The following TCF7L1 variants were observed in gnomAD, a reference collection of about 807,000 sequenced individuals.
TCF7L1 encodes transcription factor 7-like 1.
TCF7L1 carries 18 observed loss-of-function variants against 63.7 expected under a neutral mutation model. That is an observed-to-expected ratio of 0.28 (90% confidence interval 0.20 to 0.42). The LOEUF (loss-of-function observed/expected upper bound fraction) is 0.42, where lower values mean the gene tolerates loss of function less well. TCF7L1 is among the 10% of genes least tolerant of loss of function. The probability of loss-of-function intolerance (pLI) is 1.00; values close to 1 mark genes in which losing one functional copy is unlikely to be tolerated. For synonymous variants in TCF7L1, 355 were observed against 340.9 expected (o/e 1.04, Z -0.46); for missense variants, 654 against 779.3 (o/e 0.84, Z 1.91).
At chr2:85,174,453 T>TG (rs1462910411) in intron 3 of TCF7L1, among the ~76,000 whole-genome samples, 1 of 152,206 alleles carries the variant, frequency 6.6e-6, no homozygotes, top group Non-Finnish European at 1.5e-5. Flanking sequence ...TCAAGGCTAA[T>TG]GGGGTTTCCT....
At chr2:85,282,690 G>A (rs62162676) in intron 3 of TCF7L1, among the ~76,000 whole-genome samples, 6,259 of 152,038 alleles carry the variant, frequency 0.041, 170 homozygotes, top group South Asian at 0.07. Context: ...GCAGGGCTCC[G>A]GAGCCCAGAA....
intron 3 of TCF7L1, among the ~76,000 whole-genome samples, chr2:85,183,769 G>T (rs1177840372): frequency 6.6e-6 from 1 of 152,186 alleles, no homozygotes; most frequent in Non-Finnish European, 1.5e-5. Flanking sequence ...GACTGCAAGT[G>T]TATTAGCCAG....
intron 3 of TCF7L1, among the ~76,000 whole-genome samples, chr2:85,280,365 A>G (rs1681382199): frequency 6.6e-6 from 1 of 152,220 alleles, no homozygotes; most frequent in South Asian, 2.1e-4. Context: ...ACCCTGCACT[A>G]CAGTCCTACA....
At chr2:85,274,341 C>T (rs1313599278) in intron 3 of TCF7L1, among the ~76,000 whole-genome samples, 1 of 152,202 alleles carries the variant, frequency 6.6e-6, no homozygotes, top group Non-Finnish European at 1.5e-5. Context: ...GGCTCTGTCC[C>T]GGGGTCCCCC....
At position 85,184,304 on chromosome 2, in the gene TCF7L1, C is replaced by T. The variant is rs1000902509; in HGVS notation, c.441+49854C>T. ...TGCAGTCAGCAGATGGGCAGTGAGG[C>T]GGGGAAGAAAGGCGGAACCAGGCCT... is the stretch of plus-strand genomic sequence containing the variant. On this transcript the variant is annotated intron_variant, in intron 3 of 11. Coordinates refer to ENST00000282111, the MANE Select transcript of TCF7L1 (RefSeq NM_031283.3). 5.9e-5 allele frequency among the ~76,000 whole-genome samples: 9 copies of T among 152,052 alleles called. No homozygotes were observed. The East Asian group carries it at 1.2e-3, about 20-fold the overall frequency.
At chr2:85,279,511 G>A (rs1277547731) in intron 3 of TCF7L1, among the ~76,000 whole-genome samples, 1 of 152,178 alleles carries the variant, frequency 6.6e-6, no homozygotes, top group Non-Finnish European at 1.5e-5. Context: ...GTCTAGTACT[G>A]CAGTGGAAGA....
At chr2:85,267,419 G>A (rs1342055523) in intron 3 of TCF7L1, among the ~76,000 whole-genome samples, 1 of 151,604 alleles carries the variant, frequency 6.6e-6, no homozygotes, top group Non-Finnish European at 1.5e-5. Flanking sequence ...GGAGGCCGAG[G>A]CAGGTGGATC....
chr2:85,307,375 A>G (rs1682140595), intron 10 of TCF7L1, among the ~76,000 whole-genome samples: 1 of 152,232 alleles, frequency 6.6e-6, no homozygotes, highest in Non-Finnish European at 1.5e-5. Flanking sequence ...ACAGAAAAAC[A>G]GAGTCTGAAG....
intron 3 of TCF7L1, among the ~76,000 whole-genome samples, chr2:85,228,782 G>A (rs1362524261): frequency 5.9e-5 from 9 of 151,814 alleles, no homozygotes; most frequent in Admixed American, 3.3e-4. Context: ...TTGGGAGGCC[G>A]AGGCGGGCAG....
intron 10 of TCF7L1, 69 bp from the exon 11 acceptor site, chr2:85,307,573 T>C: frequency 7.4e-7 from 1 of 1,349,542 alleles, no homozygotes. Context: ...TTCTCTCTGA[T>C]CTGGGAGCCC....
At chr2:85,223,639 C>T (rs1183019929) in intron 3 of TCF7L1, among the ~76,000 whole-genome samples, 1 of 152,070 alleles carries the variant, frequency 6.6e-6, no homozygotes, top group Non-Finnish European at 1.5e-5. Context: ...GCAAAAAGTA[C>T]CCAAAAGCAA....
intron 3 of TCF7L1, among the ~76,000 whole-genome samples, chr2:85,274,231 G>A (rs549607468): frequency 6.6e-6 from 1 of 152,186 alleles, no homozygotes; most frequent in Non-Finnish European, 1.5e-5. Context: ...GGTCACAGCC[G>A]ATGGGAGAGG....
intron 3 of TCF7L1, among the ~76,000 whole-genome samples, chr2:85,226,247 T>C (rs1396413395): frequency 1.3e-5 from 2 of 152,256 alleles, no homozygotes. Flanking sequence ...CTTTTTTTGC[T>C]GTGTCTCTGC....
At chr2:85,180,196 T>C (rs1404901456) in intron 3 of TCF7L1, among the ~76,000 whole-genome samples, 3 of 150,610 alleles carry the variant, frequency 2.0e-5, no homozygotes, top group African/African-American at 7.3e-5. Flanking sequence ...TCTAAACTTC[T>C]GATCTGCAAA....
chr2:85,133,938 G>C lies in TCF7L1; in HGVS notation c.249+5G>C. 6.5e-7 allele frequency: 1 copy of C among 1,543,574 alleles called. No homozygotes were observed. Among genetic ancestry groups the C allele is most frequent in the Non-Finnish European group, 8.8e-7 (1 of 1,140,992 alleles). ...AGCAGCAGCTCGGACTCGGAGGTAA[G>C]GAAGCACCGCGGCCACCCCCGGGGG... is the stretch of plus-strand genomic sequence containing the variant. On this transcript the variant is annotated splice_donor_5th_base_variant and intron_variant, in intron 1 of 11. Coordinates refer to ENST00000282111, the MANE Select transcript of TCF7L1 (RefSeq NM_031283.3). The surrounding 1 kb of genome is among the most constrained non-coding windows in gnomAD (Gnocchi z 4.4).
intron 3 of TCF7L1, among the ~76,000 whole-genome samples, chr2:85,241,440 T>TG (rs1680325948): frequency 2.3e-5 from 2 of 85,200 alleles, no homozygotes; most frequent in African/African-American, 1.7e-4. Context: ...TGTTTTTGTT[T>TG]TTTTTTTTTT....
chr2:85,144,701 C>T (rs1391640258), intron 3 of TCF7L1, among the ~76,000 whole-genome samples: 1 of 113,186 alleles, frequency 8.8e-6, no homozygotes, highest in African/African-American at 2.8e-5. Flanking sequence ...TTTCCCATCC[C>T]CCTTTCTCTC....
chr2:85,271,189 T>G (rs942954141), intron 3 of TCF7L1, among the ~76,000 whole-genome samples: 2 of 152,130 alleles, frequency 1.3e-5, no homozygotes, highest in African/African-American at 4.8e-5. Flanking sequence ...CTCAGCTCAC[T>G]GCAACTTCTG....
chr2:85,231,368 G>C (rs1680075042), intron 3 of TCF7L1, among the ~76,000 whole-genome samples: 1 of 152,232 alleles, frequency 6.6e-6, no homozygotes, highest in African/African-American at 2.4e-5. Flanking sequence ...ATTGTTGGCT[G>C]AGATGACAGA....
Sources: gnomAD v4.1 joint callset for allele counts (sites outside exome capture counted in the v4.1 genomes callset) on GRCh38, gnomAD v4.1.1 for gene constraint, Gnocchi (gnomAD v3.1) non-coding constraint, MANE v1.5 for transcripts, NCBI Gene and HGNC (gene_info 2026-07-23, HGNC 2026-07-21) for gene names.